The following DPP6 variants were observed in gnomAD, a reference collection of about 807,000 sequenced individuals.
DPP6 encodes dipeptidyl peptidase like 6.
DPP6 carries 69 observed loss-of-function variants against 122.6 expected under a neutral mutation model. That is an observed-to-expected ratio of 0.56 (90% CI 0.46 to 0.69). DPP6 has a LOEUF of 0.69. DPP6 is among the 30% of genes least tolerant of loss of function. DPP6 has a pLI of 0.00. For missense variants in DPP6, 928 were observed against 1,116.9 expected (o/e 0.83, Z 2.41); for synonymous variants, 418 against 433.1 (o/e 0.97, Z 0.43).
rs1795253962 is a variant in DPP6, at chr7:153,959,781, A to G, written c.51+72047A>G. On this transcript the variant is annotated intron_variant, in intron 1 of 25. Coordinates refer to the DPP6 transcript ENST00000404039. ...AGGCTGTTTTGCTTTCTTATCATTC[A>G]TGTGTTCACTGGAGTAGCACTTTTA... Among the ~76,000 whole-genome samples, 3 of 152,210 alleles carry G rather than the reference A, an allele frequency of 2.0e-5. No individual in the cohort carries two copies. The South Asian group carries it at 6.2e-4, about 32-fold the overall frequency.
chr7:154,167,820 C>T (rs568121032), intron 1 of DPP6, among the ~76,000 whole-genome samples: 3 of 152,330 alleles, frequency 2.0e-5, no homozygotes, highest in Admixed American at 6.5e-5. Context: ...CTACAAACTG[C>T]TCAGCATAAA....
chr7:154,809,099 G>T (rs972656462), intron 16 of DPP6, among the ~76,000 whole-genome samples: 1 of 152,152 alleles, frequency 6.6e-6, no homozygotes, highest in African/African-American at 2.4e-5. Flanking sequence ...CAGCAAGAAG[G>T]GTCTGGCTTC....
At chr7:154,610,873 G>T (rs1459832452) in intron 5 of DPP6, among the ~76,000 whole-genome samples, 1 of 152,080 alleles carries the variant, frequency 6.6e-6, no homozygotes, top group Non-Finnish European at 1.5e-5. Flanking sequence ...AGCATTTTAT[G>T]TGGTGCTAGA....
At chr7:154,490,268 T>C (rs1480648439) in intron 3 of DPP6, among the ~76,000 whole-genome samples, 4 of 152,244 alleles carry the variant, frequency 2.6e-5, no homozygotes, top group Admixed American at 6.5e-5. Context: ...AATCTGGAAG[T>C]ATCTGTGAAG....
intron 10 of DPP6, chr7:154,793,775 G>GACCTCAAA (rs1457140997): frequency 3.9e-6 from 1 of 253,464 alleles, no homozygotes; most frequent in Non-Finnish European, 7.6e-6. Flanking sequence ...GGAGAGACGA[G>GACCTCAAA]ACCTCAAAAC....
the DPP6 span, among the ~76,000 whole-genome samples, chr7:153,809,185 G>A: frequency 5.3e-5 from 8 of 152,040 alleles, no homozygotes; most frequent in Non-Finnish European, 7.3e-5. Flanking sequence ...TTGCATCTCC[G>A]TATGTCTTCT....
intron 17 of DPP6, among the ~76,000 whole-genome samples, chr7:154,864,365 G>C (rs1371392042): frequency 6.6e-6 from 1 of 152,166 alleles, no homozygotes; most frequent in Non-Finnish European, 1.5e-5. Flanking sequence ...CTGCCCATGG[G>C]ACGCAGCGAG....
In DPP6 at chr7:153,929,175, A is replaced by C. The variant is rs543548126; in HGVS notation, c.51+41441A>C. ...CAGGTGACCAAGGGCTGAAGCAGGG[A>C]CACCCTTCAGGAGGCTGTTTCTCTA... On this transcript the variant is annotated intron_variant, in intron 1 of 25. Coordinates refer to the DPP6 transcript ENST00000404039. Among the ~76,000 whole-genome samples the C allele has an allele frequency of 7.6e-4, 115 of 152,242 alleles. 1 individual carries two copies. Among genetic ancestry groups the C allele is most frequent in the Non-Finnish European group, 1.4e-3 (95 of 68,014 alleles).
the DPP6 span, among the ~76,000 whole-genome samples, chr7:153,880,878 T>A: frequency 6.6e-6 from 1 of 152,182 alleles, no homozygotes; most frequent in African/African-American, 2.4e-5. Flanking sequence ...GAGATGAACA[T>A]AAATCATTTC....
At chr7:154,836,093 G>A (rs1175202266) in intron 16 of DPP6, among the ~76,000 whole-genome samples, 1 of 152,182 alleles carries the variant, frequency 6.6e-6, no homozygotes, top group Non-Finnish European at 1.5e-5. Flanking sequence ...ATGCACCAAA[G>A]CTGGCCTGAG....
At chr7:154,625,158 G>A (rs1043453396) in intron 5 of DPP6, among the ~76,000 whole-genome samples, 1 of 152,204 alleles carries the variant, frequency 6.6e-6, no homozygotes, top group Non-Finnish European at 1.5e-5. Context: ...TCTTCCACAT[G>A]TGCACGTGGG....
intron 1 of DPP6, among the ~76,000 whole-genome samples, chr7:153,996,488 T>C (rs1296914219): frequency 1.3e-5 from 2 of 151,736 alleles, no homozygotes; most frequent in Non-Finnish European, 2.9e-5. Context: ...CTTCCATGTC[T>C]GTCCAATTCC....
rs960417785 is a variant in DPP6, at chr7:154,175,759, G to A, written c.243+122696G>A. Among the ~76,000 whole-genome samples the A allele has an allele frequency of 1.0e-4, 14 of 137,280 alleles. No homozygotes were observed. In the East Asian group the frequency reaches 1.1e-3, roughly 11 times the overall value. The allele number at this position is 137,280 out of a possible 152,430, so 90.1% of individuals were successfully genotyped here. On this transcript the variant is annotated intron_variant, in intron 1 of 25. Transcript: ENST00000377770. ...TTTTGAGGCGGAGTCTCGGTCTGTCGCCCAGGCTGGAGTGCAGTGGCACGA... is the reference window on the plus strand; with the variant it reads ...TTTTGAGGCGGAGTCTCGGTCTGTCACCCAGGCTGGAGTGCAGTGGCACGA...
chr7:154,489,226 A>C (rs1012944391), intron 3 of DPP6, among the ~76,000 whole-genome samples: 1 of 152,164 alleles, frequency 6.6e-6, no homozygotes, highest in Non-Finnish European at 1.5e-5. Context: ...ACTGTTGCCA[A>C]TAAAGACCAA....
At chr7:153,977,431 T>C (rs1035735204) in intron 1 of DPP6, among the ~76,000 whole-genome samples, 1 of 152,194 alleles carries the variant, frequency 6.6e-6, no homozygotes, top group East Asian at 1.9e-4. Context: ...CTCCCTCTAT[T>C]ATATCACATT....
At chr7:153,946,670 GA>G (rs1332660747) in intron 1 of DPP6, among the ~76,000 whole-genome samples, 1 of 152,102 alleles carries the variant, frequency 6.6e-6, no homozygotes, top group Non-Finnish European at 1.5e-5. Context: ...CCCTATTCAA[GA>G]TGGAGTCACT....
chr7:154,313,715 A>ATATATATATATATATATATATG (rs1563460487), intron 1 of DPP6, among the ~76,000 whole-genome samples: 3 of 35,802 alleles, frequency 8.4e-5, no homozygotes, highest in Non-Finnish European at 1.6e-4. Flanking sequence ...ATATATATAT[A>ATATATATATATATATATATATG]CACACACACG....
intron 1 of DPP6, among the ~76,000 whole-genome samples, chr7:154,060,293 TCTTCCCCCCCTGGCTCTTAGGACCCCC>T (rs1801547907): frequency 1.7e-5 from 2 of 121,010 alleles, no homozygotes; most frequent in Non-Finnish European, 3.5e-5. Context: ...AGGCAATCCC[TCTTCCCCCCCTGGCTCTTAGGACCCCC>T]ATCGCAGGAG....
At chr7:154,715,109 C>A (rs989090910) in intron 7 of DPP6, among the ~76,000 whole-genome samples, 4 of 151,510 alleles carry the variant, frequency 2.6e-5, no homozygotes, top group Non-Finnish European at 4.4e-5. Flanking sequence ...TCTTGTTGCC[C>A]AGGCTGGAGT....
Sources: allele counts gnomAD v4.1 joint callset (sites outside exome capture counted in the v4.1 genomes callset), GRCh38; gene constraint gnomAD v4.1.1; transcripts MANE v1.5; gene names NCBI Gene and HGNC (gene_info 2026-07-23, HGNC 2026-07-21).